Variants in NIN observed in about 807,000 individuals in gnomAD.
The protein encoded by NIN is ninein, also known as glycogen synthase kinase 3 beta-interacting protein.
Under a neutral mutation model 257.6 loss-of-function variants are expected in NIN, and 137 were observed. That is an observed-to-expected ratio of 0.53 (90% confidence interval 0.46 to 0.61). The LOEUF is 0.61. Ranked by LOEUF, NIN falls within the 20% of genes least tolerant of loss-of-function variation. The probability of loss-of-function intolerance (pLI) is 0.00; values close to 1 mark genes in which losing one functional copy is unlikely to be tolerated. For synonymous variants in NIN, 918 were observed against 919.8 expected, an observed-to-expected ratio of 1.00 and a Z score of 0.04; for missense variants, 2,439 against 2,501.2, an observed-to-expected ratio of 0.98 and a Z score of 0.53.
At chr14:50,772,712 G>GT (rs1342493211) in intron 8 of NIN, among the ~76,000 whole-genome samples, 2 of 152,144 alleles carry the variant, frequency 1.3e-5, no homozygotes, top group African/African-American at 4.8e-5. Flanking sequence ...TTAACACCAG[G>GT]TTTCTTCTGA....
chr14:50,789,557 C>T (rs780238025), intron 5 of NIN, among the ~76,000 whole-genome samples: 15 of 152,202 alleles, frequency 9.9e-5, no homozygotes, highest in Middle Eastern at 3.4e-3. Context: ...GGCGACAGAG[C>T]GAGACTCCAT....
chr14:50,764,063 C>G (rs186186529), intron 14 of NIN, 99 bp from the exon 15 acceptor site: 3 of 1,071,882 alleles, frequency 2.8e-6, no homozygotes. Context: ...AAAACAAAAT[C>G]TTTTGTGCTT....
chr14:50,780,620 C>T (rs1462863494), intron 5 of NIN, among the ~76,000 whole-genome samples: 2 of 152,220 alleles, frequency 1.3e-5, no homozygotes, highest in Non-Finnish European at 2.9e-5. Context: ...CCACCTACCA[C>T]AGTTTCACAG....
At chr14:50,810,611 TATA>T (rs1490324199) in intron 3 of NIN, among the ~76,000 whole-genome samples, 1 of 152,204 alleles carries the variant, frequency 6.6e-6, no homozygotes, top group African/African-American at 2.4e-5. Flanking sequence ...AAAAATAAAG[TATA>T]ATACTTCTTA....
At chr14:50,790,887 A>G (rs1370398267) in intron 5 of NIN, among the ~76,000 whole-genome samples, 1 of 152,226 alleles carries the variant, frequency 6.6e-6, no homozygotes, top group Non-Finnish European at 1.5e-5. Context: ...AGTAGATAAC[A>G]TATAACAAGG....
chr14:50,765,181 G>A (rs1049223033), intron 14 of NIN, among the ~76,000 whole-genome samples: 6 of 151,904 alleles, frequency 3.9e-5, no homozygotes, highest in African/African-American at 7.3e-5. Flanking sequence ...AGGTTGCAGT[G>A]AGCTGCGATC....
At chr14:50,748,209 CAATG>C in intron 21 of NIN, 104 bp from the exon 22 acceptor site, 1 of 663,208 alleles carries the variant, frequency 1.5e-6, no homozygotes, top group South Asian at 1.8e-5. Context: ...AATATGAACT[CAATG>C]ACACTGTTTT....
chr14:50,821,762 A>G, intron 3 of NIN, 112 bp downstream of exon 3: 1 of 810,782 alleles, frequency 1.2e-6, no homozygotes, highest in Non-Finnish European at 2.0e-6. Flanking sequence ...TTTATCATGT[A>G]ACAGCCAGGA....
intron 8 of NIN, 29 bp from the exon 9 acceptor site, chr14:50,772,497 C>G: frequency 6.2e-7 from 1 of 1,608,552 alleles, no homozygotes; most frequent in Non-Finnish European, 8.5e-7. Flanking sequence ...TTGAGTAAGC[C>G]TAGCTTGATT....
At chr14:50,727,088 T>TA (rs1002066948) in intron 29 of NIN, 181 of 281,114 alleles carry the variant, frequency 6.4e-4, no homozygotes, top group South Asian at 8.3e-4. Flanking sequence ...GGCCTATATT[T>TA]AAAAAAAAAT....
chr14:50,767,702 A>G (rs1462452475), intron 12 of NIN, among the ~76,000 whole-genome samples: 1 of 151,938 alleles, frequency 6.6e-6, no homozygotes, highest in Non-Finnish European at 1.5e-5. Context: ...CTGTAGTCCC[A>G]GCTACTTGGG....
intron 12 of NIN, 39 bp downstream of exon 12, chr14:50,770,349 C>T (rs769796354): frequency 7.2e-5 from 115 of 1,594,554 alleles, no homozygotes; most frequent in Middle Eastern, 1.7e-4. Context: ...GTGGTGTTCC[C>T]GGCAGGGACG....
At chr14:50,740,662 A>G (rs935022704) in intron 25 of NIN, among the ~76,000 whole-genome samples, 12 of 151,878 alleles carry the variant, frequency 7.9e-5, no homozygotes, top group African/African-American at 2.9e-4. Context: ...TTGTATTTGT[A>G]GTAGAGACAG....
chr14:50,743,653 A>T (rs2140530782), intron 23 of NIN, 124 bp from the exon 24 acceptor site: 1 of 590,200 alleles, frequency 1.7e-6, no homozygotes, highest in Middle Eastern at 3.7e-4. Context: ...GAGCAGGGCA[A>T]GGTCAAAGGA....
intron 3 of NIN, among the ~76,000 whole-genome samples, chr14:50,812,967 C>A (rs1737887787): frequency 6.6e-6 from 1 of 152,200 alleles, no homozygotes; most frequent in Non-Finnish European, 1.5e-5. Flanking sequence ...CTTTATTTTC[C>A]TTCTTGCAAG....
intron 25 of NIN, among the ~76,000 whole-genome samples, chr14:50,740,554 T>TG (rs1322997864): frequency 6.6e-6 from 1 of 152,148 alleles, no homozygotes; most frequent in East Asian, 1.9e-4. Flanking sequence ...TTCAACATGT[T>TG]GGGCAGGCTG....
intron 7 of NIN, among the ~76,000 whole-genome samples, chr14:50,773,897 G>A (rs1000295902): frequency 1.3e-5 from 2 of 152,180 alleles, no homozygotes; most frequent in Non-Finnish European, 2.9e-5. Context: ...GGAATGGGAA[G>A]GTGAATAGAG....
chr14:50,817,450 T>A (rs1370828283), intron 3 of NIN, among the ~76,000 whole-genome samples: 1 of 152,108 alleles, frequency 6.6e-6, no homozygotes, highest in East Asian at 1.9e-4. Context: ...TCAAACCCTT[T>A]CAGAAATGTA....
At chr14:50,814,154 G>A (rs1233079402) in intron 3 of NIN, among the ~76,000 whole-genome samples, 2 of 152,074 alleles carry the variant, frequency 1.3e-5, no homozygotes, top group Non-Finnish European at 2.9e-5. Flanking sequence ...GAGAGGCAAA[G>A]GCTATTTTAA....
Sources: allele counts gnomAD v4.1 joint callset (sites outside exome capture counted in the v4.1 genomes callset), GRCh38; gene constraint gnomAD v4.1.1; transcripts MANE v1.5; gene names NCBI Gene and HGNC (gene_info 2026-07-23, HGNC 2026-07-21).